Variants in CPNE4 observed in about 807,000 individuals in gnomAD.
CPNE4 encodes the protein copine 4, also known as copine-4.
In CPNE4, 25 loss-of-function variants were observed where a neutral mutation model predicts 67.9. The observed-to-expected ratio is 0.37, with a 90% CI of 0.27 to 0.51. CPNE4 has a LOEUF of 0.51. Among genes scored for constraint, CPNE4 ranks in the 20% least tolerant of loss-of-function variants. CPNE4 has a pLI of 0.93. For synonymous variants in CPNE4, 242 were observed against 244.9 expected, an observed-to-expected ratio of 0.99 and a Z score of 0.11; for missense variants, 464 against 690.8, an observed-to-expected ratio of 0.67 and a Z score of 3.68.
chr3:131,861,591 C>T (rs933975689), intron 2 of CPNE4, among the ~76,000 whole-genome samples: 7 of 152,092 alleles, frequency 4.6e-5, no homozygotes, highest in Admixed American at 2.6e-4. Flanking sequence ...CCACCATGCT[C>T]GGCTAATTTT....
At chr3:131,757,001 C>T (rs1387335315) in intron 2 of CPNE4, among the ~76,000 whole-genome samples, 1 of 152,192 alleles carries the variant, frequency 6.6e-6, no homozygotes, top group Non-Finnish European at 1.5e-5. Context: ...GATCCTGAGG[C>T]CTCCCCAGCC....
chr3:131,644,290 G>A (rs1379080755), intron 7 of CPNE4, among the ~76,000 whole-genome samples: 1 of 152,010 alleles, frequency 6.6e-6, no homozygotes, highest in Non-Finnish European at 1.5e-5. Context: ...TGGGACTACA[G>A]GTGCCCGCCA....
At chr3:131,543,244 C>G (rs930327033) in intron 14 of CPNE4, among the ~76,000 whole-genome samples, 2 of 152,206 alleles carry the variant, frequency 1.3e-5, no homozygotes, top group African/African-American at 4.8e-5. Flanking sequence ...CCCCATGAGA[C>G]TACTCAGCCC....
chr3:131,834,731 G>GA lies in CPNE4; in HGVS notation c.180+70532dup, dbSNP rs1370289677. 1.1e-4 allele frequency among the ~76,000 whole-genome samples: 16 copies of GA among 151,980 alleles called. 1 individual carries two copies. The South Asian group carries it at 3.1e-3, about 30-fold the overall frequency. ...GAGGTAAAAAGAAGAAATCACAGTAGAAAAAAACTATAGATTTATGCAAAA... is the reference window on the plus strand; with the variant it reads ...GAGGTAAAAAGAAGAAATCACAGTAGAAAAAAAACTATAGATTTATGCAAAA... On this transcript the variant is annotated intron_variant, in intron 2 of 15. Transcript: ENST00000429747.
chr3:131,555,411 C>A, intron 12 of CPNE4, 86 bp downstream of exon 12: 1 of 1,172,848 alleles, frequency 8.5e-7, no homozygotes, highest in South Asian at 1.3e-5. Flanking sequence ...AGGTCAGAGT[C>A]AGGAGTGTGA....
intron 1 of CPNE4, among the ~76,000 whole-genome samples, chr3:131,933,216 T>A (rs2071122935): frequency 6.6e-6 from 1 of 152,064 alleles, no homozygotes; most frequent in African/African-American, 2.4e-5. Context: ...AAGAATGGAT[T>A]GGGAAAGAGG....
At chr3:131,619,202 G>A (rs908581654) in intron 7 of CPNE4, among the ~76,000 whole-genome samples, 1 of 152,156 alleles carries the variant, frequency 6.6e-6, no homozygotes, top group Non-Finnish European at 1.5e-5. Context: ...TCCCCATGAT[G>A]GTGTACAAGG....
At chr3:131,794,783 C>G (rs1414191256) in intron 2 of CPNE4, among the ~76,000 whole-genome samples, 1 of 152,134 alleles carries the variant, frequency 6.6e-6, no homozygotes, top group Non-Finnish European at 1.5e-5. Context: ...GGCTTGAGTA[C>G]TAGGTAGTTG....
At chr3:132,005,190 G>A (rs910301441) in intron 1 of CPNE4, among the ~76,000 whole-genome samples, 5 of 151,142 alleles carry the variant, frequency 3.3e-5, no homozygotes, top group African/African-American at 7.3e-5. Context: ...TCATACCAGA[G>A]GACAATTGCC....
chr3:131,543,351 T>C (rs1220496095), intron 14 of CPNE4, among the ~76,000 whole-genome samples: 1 of 152,222 alleles, frequency 6.6e-6, no homozygotes, highest in Non-Finnish European at 1.5e-5. Flanking sequence ...GCCAATTCAG[T>C]TATTAGAAAC....
At chr3:131,621,045 G>A (rs1341953906) in intron 7 of CPNE4, among the ~76,000 whole-genome samples, 1 of 151,994 alleles carries the variant, frequency 6.6e-6, no homozygotes, top group African/African-American at 2.4e-5. Flanking sequence ...TATCCAAGAG[G>A]GATCCTTAGC....
chr3:131,990,426 T>C (rs1390996041), intron 1 of CPNE4, among the ~76,000 whole-genome samples: 2 of 135,968 alleles, frequency 1.5e-5, no homozygotes, highest in Non-Finnish European at 3.3e-5. Flanking sequence ...GTGTGTGTTA[T>C]GTGTAGAATA....
rs538391060 is a variant in CPNE4 at position 131,722,508 on chromosome 3, C to T, written c.360+938G>A. 5.3e-5 allele frequency among the ~76,000 whole-genome samples: 8 copies of T among 152,144 alleles called. No homozygotes were observed. In the South Asian group the frequency reaches 1.3e-3, roughly 24 times the overall value. On this transcript the variant is annotated intron_variant, in intron 3 of 15. Transcript: ENST00000429747. ...TTGCTTTCTTACTTGGAAGTCTCCC[C>T]TCCTCTTTCTTCTGCAATCCCTAGA...
At chr3:131,928,453 C>G (rs1409438551) in intron 1 of CPNE4, among the ~76,000 whole-genome samples, 1 of 152,162 alleles carries the variant, frequency 6.6e-6, no homozygotes, top group African/African-American at 2.4e-5. Flanking sequence ...AAGGAGCAAG[C>G]CTTTCAAGCC....
chr3:132,004,539 T>C (rs2073537216), intron 1 of CPNE4, among the ~76,000 whole-genome samples: 1 of 152,080 alleles, frequency 6.6e-6, no homozygotes, highest in South Asian at 2.1e-4. Flanking sequence ...ATTGTGAAGA[T>C]TTTAACAATC....
intron 7 of CPNE4, among the ~76,000 whole-genome samples, chr3:131,662,518 G>C (rs986581978): frequency 1.4e-4 from 22 of 152,216 alleles, no homozygotes; most frequent in African/African-American, 5.1e-4. Context: ...AGTCAGCTAG[G>C]TTTGGAGAAT....
rs529041843 is a variant in CPNE4 at position 131,650,341 on chromosome 3, A to G, written c.681+19334T>C. Reference sequence around the variant, plus strand: ...CTCAAGGAGAGGGAATTACACAAAAACATGACTACTAGAGGGTGAGAGTTA... The same window carrying G: ...CTCAAGGAGAGGGAATTACACAAAAGCATGACTACTAGAGGGTGAGAGTTA... On this transcript the variant is annotated intron_variant, in intron 7 of 15. Transcript: ENST00000429747. 9.2e-5 allele frequency among the ~76,000 whole-genome samples: 14 copies of G among 152,250 alleles called. No individual in the cohort carries two copies. In the South Asian group the frequency reaches 1.2e-3, roughly 14 times the overall value.
chr3:131,955,966 G>T (rs1041578445), intron 1 of CPNE4, among the ~76,000 whole-genome samples: 2 of 152,078 alleles, frequency 1.3e-5, no homozygotes, highest in African/African-American at 4.8e-5. Flanking sequence ...TACCTAGTAG[G>T]ACAATGTTAA....
chr3:131,604,928 AC>A (rs1454824338), intron 7 of CPNE4, among the ~76,000 whole-genome samples: 1 of 152,036 alleles, frequency 6.6e-6, no homozygotes, highest in East Asian at 1.9e-4. Flanking sequence ...AGAAGTACAT[AC>A]CTTTTGTCAT....
Sources: gnomAD v4.1 joint callset for allele counts (sites outside exome capture counted in the v4.1 genomes callset) on GRCh38, gnomAD v4.1.1 for gene constraint, MANE v1.5 for transcripts, NCBI Gene and HGNC (gene_info 2026-07-23, HGNC 2026-07-21) for gene names.